KDR: variants seen among roughly 807,000 people sequenced by gnomAD.
The protein encoded by KDR is kinase insert domain receptor, also known as vascular endothelial growth factor receptor 2.
A neutral mutation model predicts 160.9 loss-of-function variants in KDR; 43 were observed. The ratio of observed to expected loss-of-function variants is 0.27; its 90% CI spans 0.21 to 0.34. The LOEUF (loss-of-function observed/expected upper bound fraction) is 0.34. Ranked by LOEUF, KDR falls within the 10% of genes least tolerant of loss-of-function variation. The pLI is 1.00. For synonymous variants in KDR, 617 were observed against 600.1 expected (o/e 1.03, Z -0.41); for missense variants, 1,469 against 1,666.4 (o/e 0.88, Z 2.06).
At chr4:55,085,722 A>G (rs529505374) in intron 27 of KDR, among the ~76,000 whole-genome samples, 24 of 152,238 alleles carry the variant, frequency 1.6e-4, no homozygotes, top group Non-Finnish European at 2.9e-4. Flanking sequence ...TGGCTGGATA[A>G]AAGAGAAACT....
At chr4:55,094,157 C>T (rs184342030) in intron 21 of KDR, among the ~76,000 whole-genome samples, 20 of 152,162 alleles carry the variant, frequency 1.3e-4, no homozygotes, top group African/African-American at 2.9e-4. Flanking sequence ...TTCAGTGAGC[C>T]GAGATCGCAC....
At chr4:55,101,563 G>A (rs756211896) in intron 15 of KDR, among the ~76,000 whole-genome samples, 5 of 152,180 alleles carry the variant, frequency 3.3e-5, no homozygotes, top group Non-Finnish European at 4.4e-5. Flanking sequence ...AGGTAAACAT[G>A]TGCCATGGTG....
At chr4:55,082,695 C>T in intron 27 of KDR, 60 bp from the exon 28 acceptor site, 1 of 1,258,782 alleles carries the variant, frequency 7.9e-7, no homozygotes, top group Non-Finnish European at 1.2e-6. Flanking sequence ...GATCGGCTAC[C>T]TAAGTTCATT....
intron 7 of KDR, among the ~76,000 whole-genome samples, chr4:55,112,062 T>C (rs1214411875): frequency 1.3e-5 from 2 of 152,166 alleles, no homozygotes; most frequent in African/African-American, 4.8e-5. Flanking sequence ...CCATGTAAAC[T>C]CAGACATTTA....
chr4:55,114,807 T>C (rs569431757), intron 5 of KDR, 67 bp downstream of exon 5: 1 of 1,368,696 alleles, frequency 7.3e-7, no homozygotes, highest in African/African-American at 1.4e-5. Context: ...TCACTCTATG[T>C]TGTTATCTCC....
At chr4:55,103,821 G>A (rs1467722081) in intron 13 of KDR, among the ~76,000 whole-genome samples, 1 of 152,050 alleles carries the variant, frequency 6.6e-6, no homozygotes, top group Admixed American at 6.6e-5. Context: ...GAATTGGAAA[G>A]GGACACCACA....
Position 55,116,869 on chromosome 4 carries a change from T to C in KDR, c.359-1458A>G, listed in dbSNP as rs1720748947. On this transcript the variant is annotated intron_variant, in intron 3 of 29. Transcript: ENST00000263923. ...AGAGGGGACATTAAACACCTATCCA[T>C]AGAGAATACTTCAGTGTTTCCTTTC... is the stretch of plus-strand genomic sequence containing the variant. 5.3e-5 allele frequency among the ~76,000 whole-genome samples: 8 copies of C among 152,134 alleles called. 1 individual carries two copies. In the South Asian group the frequency reaches 1.4e-3, roughly 28 times the overall value.
intron 1 of KDR, among the ~76,000 whole-genome samples, chr4:55,124,153 G>C (rs927736879): frequency 3.3e-5 from 5 of 152,114 alleles, no homozygotes; most frequent in Non-Finnish European, 7.3e-5. Context: ...GTGGGTGTGA[G>C]TGTCTTCTAA....
chr4:55,102,334 C>T (rs756270577), intron 14 of KDR, 28 bp downstream of exon 14: 1 of 1,611,052 alleles, frequency 6.2e-7, no homozygotes, highest in Non-Finnish European at 8.5e-7. Context: ...GTTCTGCAAC[C>T]CAAGAGTGAT....
intron 2 of KDR, among the ~76,000 whole-genome samples, chr4:55,120,858 G>GTGTC (rs1720853012): frequency 6.6e-6 from 1 of 151,568 alleles, no homozygotes; most frequent in Admixed American, 6.6e-5. Context: ...GTGCGTGTGT[G>GTGTC]TGTGTGTGTG....
At chr4:55,107,945 G>A in intron 9 of KDR, 52 bp from the exon 10 acceptor site, 1 of 1,599,490 alleles carries the variant, frequency 6.3e-7, no homozygotes, top group Non-Finnish European at 8.6e-7. Context: ...TGAAGAATGG[G>A]AAATAGAGGA....
At chr4:55,092,555 G>A in intron 22 of KDR, 62 bp downstream of exon 22, 2 of 1,163,394 alleles carry the variant, frequency 1.7e-6, no homozygotes, top group South Asian at 1.2e-5. Context: ...GCTGACACTG[G>A]ACATCTTATT....
At chr4:55,117,829 T>C (rs771503783) in intron 3 of KDR, among the ~76,000 whole-genome samples, 2 of 152,220 alleles carry the variant, frequency 1.3e-5, no homozygotes, top group Non-Finnish European at 2.9e-5. Flanking sequence ...ATTTATATCA[T>C]AGGGATCTCA....
chr4:55,098,596 G>A, intron 16 of KDR, 101 bp downstream of exon 16: 4 of 904,520 alleles, frequency 4.4e-6, no homozygotes, highest in Non-Finnish European at 7.4e-6. Context: ...TGTGCCCATT[G>A]AGCCAATAAC....
chr4:55,117,733 T>A (rs1560524153), intron 3 of KDR, among the ~76,000 whole-genome samples: 1 of 152,202 alleles, frequency 6.6e-6, no homozygotes, highest in Non-Finnish European at 1.5e-5. Context: ...TATACGTAAA[T>A]ACATAAAATG....
chr4:55,102,232 G>C, intron 14 of KDR, 130 bp downstream of exon 14: 4 of 1,304,990 alleles, frequency 3.1e-6, no homozygotes, highest in Non-Finnish European at 4.4e-6. Context: ...TTCTAAGTCT[G>C]TGAAATGAGC....
At chr4:55,108,638 T>A (rs1043040489) in intron 9 of KDR, among the ~76,000 whole-genome samples, 1 of 152,078 alleles carries the variant, frequency 6.6e-6, no homozygotes, top group Non-Finnish European at 1.5e-5. Context: ...AAGGTGTAAA[T>A]CTTTAGAGAA....
At chr4:55,080,290 C>A in intron 29 of KDR, 127 bp from the exon 30 acceptor site, 1 of 794,836 alleles carries the variant, frequency 1.3e-6, no homozygotes, top group Non-Finnish European at 2.1e-6. Context: ...GTATCTCTCC[C>A]AGTTGTTAAT....
intron 2 of KDR, 90 bp downstream of exon 2, chr4:55,121,007 A>G: frequency 1.2e-6 from 1 of 866,380 alleles, no homozygotes; most frequent in Admixed American, 1.9e-5. Context: ...TACAAGCTCT[A>G]TTATAATTCT....
Sources: gnomAD v4.1 joint callset for allele counts (sites outside exome capture counted in the v4.1 genomes callset) on GRCh38, gnomAD v4.1.1 for gene constraint, MANE v1.5 for transcripts, NCBI Gene and HGNC (gene_info 2026-07-23, HGNC 2026-07-21) for gene names.